The following EPHA6 variants were observed in gnomAD, a reference collection of about 807,000 sequenced individuals.
EPHA6 encodes EPH receptor A6, also known as ephrin type-A receptor 6.
A neutral mutation model predicts 112.0 loss-of-function variants in EPHA6; 50 were observed. The ratio of observed to expected loss-of-function variants is 0.45; its 90% CI spans 0.36 to 0.56. The LOEUF is 0.56. EPHA6 is among the 20% of genes least tolerant of loss of function. The pLI is 0.00. For synonymous variants in EPHA6, 529 were observed against 490.7 expected (o/e 1.08, Z -1.03); for missense variants, 1,280 against 1,417.4 (o/e 0.90, Z 1.56).
At chr3:96,904,850 T>C (rs1180901480) in intron 2 of EPHA6, among the ~76,000 whole-genome samples, 1 of 152,100 alleles carries the variant, frequency 6.6e-6, no homozygotes. Context: ...ATAAGAAAAT[T>C]AGCTATCAAA....
At chr3:97,661,221 T>C (rs1484006484) in intron 14 of EPHA6, among the ~76,000 whole-genome samples, 1 of 152,134 alleles carries the variant, frequency 6.6e-6, no homozygotes. Flanking sequence ...GGATTTTTGG[T>C]ATTACATTAT....
intron 2 of EPHA6, among the ~76,000 whole-genome samples, chr3:96,903,402 T>C (rs2038729324): frequency 6.6e-6 from 1 of 152,304 alleles, no homozygotes; most frequent in South Asian, 2.1e-4. Flanking sequence ...TTATATTTTC[T>C]TGGAAAATCA....
At chr3:96,971,192 G>A (rs2042304704) in intron 2 of EPHA6, among the ~76,000 whole-genome samples, 1 of 151,946 alleles carries the variant, frequency 6.6e-6, no homozygotes, top group Non-Finnish European at 1.5e-5. Context: ...ACAGTTTTAT[G>A]GGATAATCTA....
In EPHA6 at chr3:97,243,978, G is replaced by A. The variant is rs2078918411; in HGVS notation, c.1297G>A (p.Val433Ile). The A allele has an allele frequency of 3.7e-6, 6 of 1,610,598 alleles. No homozygotes were observed. The highest frequency in any genetic ancestry group is 5.1e-6 in the Non-Finnish European group (6 of 1,178,006). ...TRPPSAPRNV[V>I]FNINETALIL... ...GCCACCTTCAGCTCCTAGGAATGTGGTTTTTAACATCAATGAAACAGCCCT... is the reference window on the plus strand; with the variant it reads ...GCCACCTTCAGCTCCTAGGAATGTGATTTTTAACATCAATGAAACAGCCCT... The change falls in exon 5 of 18, where the codon GTT (valine) becomes ATT (isoleucine). Residue 433 changes from valine to isoleucine, a missense_variant. Around this residue, in one of 4 missense-constraint regions of EPHA6, gnomAD observed 878 missense variants for 999.7 expected, o/e 0.88. Transcript: ENST00000389672.
intron 6 of EPHA6, among the ~76,000 whole-genome samples, chr3:97,446,953 T>G (rs1016216812): frequency 5.3e-5 from 8 of 152,170 alleles, no homozygotes; most frequent in African/African-American, 1.7e-4. Context: ...CACCTAGAGA[T>G]AAATATAAGT....
chr3:97,666,279 G>A (rs539812011), intron 14 of EPHA6, among the ~76,000 whole-genome samples: 45 of 152,318 alleles, frequency 3.0e-4, no homozygotes, highest in Non-Finnish European at 4.3e-4. Flanking sequence ...TGAGGAGAGA[G>A]ATTGTGCTTT....
At chr3:96,828,533 G>C (rs1047160745) in intron 1 of EPHA6, among the ~76,000 whole-genome samples, 1 of 152,086 alleles carries the variant, frequency 6.6e-6, no homozygotes, top group African/African-American at 2.4e-5. Flanking sequence ...AGACACACCA[G>C]CTCCACCTTT....
chr3:97,002,832 A>G (rs1201467915), intron 3 of EPHA6, among the ~76,000 whole-genome samples: 1 of 152,148 alleles, frequency 6.6e-6, no homozygotes, highest in East Asian at 1.9e-4. Context: ...GTAAACTAGA[A>G]GAGTATTCCT....
intron 5 of EPHA6, among the ~76,000 whole-genome samples, chr3:97,340,922 G>A (rs2083272333): frequency 6.6e-6 from 1 of 152,148 alleles, no homozygotes; most frequent in East Asian, 1.9e-4. Context: ...GGGCTTCAAT[G>A]TACGATTTTG....
intron 3 of EPHA6, among the ~76,000 whole-genome samples, chr3:97,099,493 T>C (rs951246766): frequency 1.3e-5 from 2 of 151,854 alleles, no homozygotes; most frequent in Admixed American, 6.6e-5. Context: ...CTTTTACTAA[T>C]TGTGATAGTG....
At chr3:97,678,757 A>G (rs1304222467) in intron 14 of EPHA6, among the ~76,000 whole-genome samples, 1 of 152,176 alleles carries the variant, frequency 6.6e-6, no homozygotes, top group South Asian at 2.1e-4. Flanking sequence ...TACAAAAATT[A>G]TGATTATTAC....
At chr3:97,209,051 TTAAC>T in intron 3 of EPHA6, among the ~76,000 whole-genome samples, 1 of 152,296 alleles carries the variant, frequency 6.6e-6, no homozygotes, top group South Asian at 2.1e-4. Context: ...TAAGTGTACA[TTAAC>T]TATGTGTACA....
intron 7 of EPHA6, among the ~76,000 whole-genome samples, chr3:97,464,748 A>G (rs1167650982): frequency 6.6e-6 from 1 of 152,124 alleles, no homozygotes; most frequent in African/African-American, 2.4e-5. Flanking sequence ...AAAAAGTTAT[A>G]TTGAACTGCG....
intron 5 of EPHA6, among the ~76,000 whole-genome samples, chr3:97,279,153 T>G (rs188794400): frequency 9.2e-5 from 14 of 152,266 alleles, no homozygotes; most frequent in African/African-American, 2.4e-5. Context: ...TTACTAAGTA[T>G]GAAAAGGGCC....
chr3:97,131,865 A>G (rs900613150), intron 3 of EPHA6, among the ~76,000 whole-genome samples: 19 of 152,310 alleles, frequency 1.2e-4, no homozygotes, highest in South Asian at 2.1e-4. Context: ...CAAGTCAGCC[A>G]TAGCAGGCAA....
intron 3 of EPHA6, among the ~76,000 whole-genome samples, chr3:97,179,785 G>T (rs907189938): frequency 6.8e-6 from 1 of 147,106 alleles, no homozygotes; most frequent in Non-Finnish European, 1.5e-5. Flanking sequence ...AGCTGGAGGT[G>T]GGGTGTTACA....
chr3:97,049,512 G>A (rs1013033504), intron 3 of EPHA6, among the ~76,000 whole-genome samples: 2 of 152,126 alleles, frequency 1.3e-5, no homozygotes, highest in Non-Finnish European at 2.9e-5. Flanking sequence ...TAGAGCTTTC[G>A]GGTGGATTTA....
intron 11 of EPHA6, chr3:97,572,525 T>C (rs1351400003): frequency 6.6e-6 from 1 of 152,170 alleles, no homozygotes; most frequent in Admixed American, 6.5e-5. Flanking sequence ...ACATGTTTAT[T>C]GGATTATAAG....
At chr3:96,902,791 A>G (rs192117251) in intron 2 of EPHA6, among the ~76,000 whole-genome samples, 19 of 152,266 alleles carry the variant, frequency 1.2e-4, no homozygotes, top group Admixed American at 1.2e-3. Context: ...GACAAGATCT[A>G]CTGGAGATCA....
Sources: allele counts gnomAD v4.1 joint callset (sites outside exome capture counted in the v4.1 genomes callset), GRCh38; gene constraint gnomAD v4.1.1; regional missense constraint gnomAD v4.1.1; transcripts MANE v1.5; gene names NCBI Gene and HGNC (gene_info 2026-07-23, HGNC 2026-07-21).